The following IGF1R variants were observed in gnomAD, a reference collection of about 807,000 sequenced individuals.
IGF1R encodes the protein insulin-like growth factor 1 receptor.
IGF1R carries 44 observed loss-of-function variants against 144.6 expected under a neutral mutation model. The ratio of observed to expected loss-of-function variants is 0.30; its 90% CI spans 0.24 to 0.39. The LOEUF (loss-of-function observed/expected upper bound fraction) is 0.39, where lower values mean the gene tolerates loss of function less well. Ranked by LOEUF, IGF1R falls within the 10% of genes least tolerant of loss-of-function variation. The pLI is 1.00. For missense variants in IGF1R, 1,355 were observed against 1,833.7 expected, an observed-to-expected ratio of 0.74 and a Z score of 4.77; for synonymous variants, 795 against 722.8, an observed-to-expected ratio of 1.10 and a Z score of -1.60.
At chr15:98,725,397 C>G (rs1432660584) in intron 2 of IGF1R, among the ~76,000 whole-genome samples, 1 of 152,068 alleles carries the variant, frequency 6.6e-6, no homozygotes, top group East Asian at 1.9e-4. Flanking sequence ...TTTTTTTCCC[C>G]TAATCTGTGG....
intron 2 of IGF1R, among the ~76,000 whole-genome samples, chr15:98,866,698 T>C (rs894308848): frequency 6.6e-6 from 1 of 152,134 alleles, no homozygotes; most frequent in Admixed American, 6.5e-5. Flanking sequence ...ATTTTCCTGT[T>C]GGGATGAGAG....
At chr15:98,831,533 C>T (rs906725506) in intron 2 of IGF1R, among the ~76,000 whole-genome samples, 1 of 152,104 alleles carries the variant, frequency 6.6e-6, no homozygotes, top group Non-Finnish European at 1.5e-5. Flanking sequence ...CCCTTCCTTC[C>T]CCATGATCAT....
chr15:98,792,376 G>C (rs1249144468), intron 2 of IGF1R, among the ~76,000 whole-genome samples: 2 of 152,174 alleles, frequency 1.3e-5, no homozygotes, highest in African/African-American at 4.8e-5. Context: ...AGAGACTAGA[G>C]CACTCTCAAA....
chr15:98,913,302 C>T lies in IGF1R; in HGVS notation c.1828+20C>T. The T allele has an allele frequency of 6.3e-7, 1 of 1,576,440 alleles. No individual in the cohort carries two copies. The highest frequency in any genetic ancestry group is 8.7e-7 in the Non-Finnish European group (1 of 1,145,976). On this transcript the variant is annotated intron_variant, in intron 8 of 20. Coordinates refer to ENST00000650285, the MANE Select transcript of IGF1R (RefSeq NM_000875.5). ...CTTCAGGTATCCATGCCTAGACAAG[C>T]CCCCAGCATCCACACTTCTTCGCAA...
intron 2 of IGF1R, among the ~76,000 whole-genome samples, chr15:98,780,786 G>T (rs1567126070): frequency 6.6e-6 from 1 of 152,060 alleles, no homozygotes; most frequent in African/African-American, 2.4e-5. Flanking sequence ...AATGTTTTTG[G>T]AAGTAATAAA....
intron 15 of IGF1R, 94 bp downstream of exon 15, chr15:98,930,399 G>A: frequency 5.1e-6 from 4 of 790,614 alleles, no homozygotes; most frequent in South Asian, 4.3e-5. Context: ...AAGGAGGTTT[G>A]CATTATTTTG....
intron 18 of IGF1R, among the ~76,000 whole-genome samples, chr15:98,942,039 G>A (rs2016383793): frequency 6.6e-6 from 1 of 152,226 alleles, no homozygotes; most frequent in African/African-American, 2.4e-5. Flanking sequence ...GGAGGATTAT[G>A]TTGAAAAACA....
intron 2 of IGF1R, among the ~76,000 whole-genome samples, chr15:98,739,951 A>AG (rs1399630992): frequency 2.8e-4 from 42 of 152,342 alleles, no homozygotes; most frequent in African/African-American, 9.6e-4. Flanking sequence ...ATTCCTGTGA[A>AG]GGTACCCAGT....
intron 17 of IGF1R, among the ~76,000 whole-genome samples, chr15:98,937,270 G>T (rs1441145458): frequency 6.6e-6 from 1 of 152,158 alleles, no homozygotes; most frequent in African/African-American, 2.4e-5. Flanking sequence ...AGTATTTCTT[G>T]CCAGCATCGA....
At chr15:98,803,687 G>C (rs1009137835) in intron 2 of IGF1R, among the ~76,000 whole-genome samples, 1 of 151,952 alleles carries the variant, frequency 6.6e-6, no homozygotes, top group East Asian at 1.9e-4. Flanking sequence ...TGTGTTTGTA[G>C]TAGGGATGAG....
intron 2 of IGF1R, among the ~76,000 whole-genome samples, chr15:98,889,684 G>A (rs2013812373): frequency 6.6e-6 from 1 of 152,200 alleles, no homozygotes; most frequent in East Asian, 1.9e-4. Context: ...AAAGGACCAG[G>A]GAAGGTCTGC....
chr15:98,809,211 G>A (rs1349637748), intron 2 of IGF1R, among the ~76,000 whole-genome samples: 1 of 152,230 alleles, frequency 6.6e-6, no homozygotes, highest in Non-Finnish European at 1.5e-5. Context: ...GAGGATGGAG[G>A]TAGCCTATGG....
chr15:98,742,971 A>C (rs1239972838), intron 2 of IGF1R, among the ~76,000 whole-genome samples: 2 of 152,100 alleles, frequency 1.3e-5, no homozygotes, highest in Admixed American at 1.3e-4. Flanking sequence ...TGGGAGGAGG[A>C]GGTTGCAGTG....
chr15:98,664,932 T>C (rs2052694267), intron 1 of IGF1R, among the ~76,000 whole-genome samples: 1 of 151,878 alleles, frequency 6.6e-6, no homozygotes, highest in African/African-American at 2.4e-5. Flanking sequence ...CCGTTTTTTT[T>C]TGACTGCAGA....
intron 6 of IGF1R, among the ~76,000 whole-genome samples, 153 bp downstream of exon 6, chr15:98,909,052 T>C (rs554586295): frequency 2.0e-5 from 3 of 152,302 alleles, no homozygotes; most frequent in Admixed American, 2.0e-4. Context: ...CTCCTACTTA[T>C]ATGTCATCAC....
Position 98,835,109 on chromosome 15 carries a change from ACCCCTACACCCACACACACC to A in IGF1R, c.641-56214_641-56195del, listed in dbSNP as rs573800327. ...CACACACACACACACACACACACAC[ACCCCTACACCCACACACACC>A]CACCCCTACACCCACACACACCCAC... On this transcript the variant is annotated intron_variant, in intron 2 of 20. Coordinates refer to ENST00000650285, the MANE Select transcript of IGF1R (RefSeq NM_000875.5). Among the ~76,000 whole-genome samples the A allele has an allele frequency of 9.7e-3, 1,032 of 106,312 alleles. 13 individuals carry two copies. Among genetic ancestry groups the A allele is most frequent in the African/African-American group, 0.036 (986 of 27,488 alleles). 69.7% of individuals were successfully genotyped at this position (106,312 alleles called of 152,430 possible). A position where few individuals can be genotyped will look rare whatever the true frequency, so the allele number is the denominator to read the frequency against.
At chr15:98,695,195 C>T (rs1210855908) in intron 1 of IGF1R, among the ~76,000 whole-genome samples, 1 of 152,168 alleles carries the variant, frequency 6.6e-6, no homozygotes, top group Non-Finnish European at 1.5e-5. Context: ...AGGATTTTCC[C>T]TAGTAAGTCA....
chr15:98,663,917 T>A (rs1197860339), intron 1 of IGF1R, among the ~76,000 whole-genome samples: 4 of 152,252 alleles, frequency 2.6e-5, no homozygotes, highest in African/African-American at 9.6e-5. Context: ...TGTTGATTTA[T>A]GTTTGTAAAT....
At chr15:98,741,412 C>T (rs1033242741) in intron 2 of IGF1R, among the ~76,000 whole-genome samples, 1 of 151,988 alleles carries the variant, frequency 6.6e-6, no homozygotes, top group African/African-American at 2.4e-5. Flanking sequence ...CATTTGGTCT[C>T]GCTGCCTGAT....
Sources: allele counts gnomAD v4.1 joint callset (sites outside exome capture counted in the v4.1 genomes callset), GRCh38; gene constraint gnomAD v4.1.1; transcripts MANE v1.5; gene names NCBI Gene and HGNC (gene_info 2026-07-23, HGNC 2026-07-21).